Variants in HEMK2 observed in about 807,000 individuals in gnomAD.
HEMK2 encodes the protein methyltransferase HEMK2.
chr21:28,806,548 T>C, the HEMK2 span, among the ~76,000 whole-genome samples: 2 of 152,166 alleles, frequency 1.3e-5, no homozygotes, highest in African/African-American at 4.8e-5. Context: ...TGAATTCTAA[T>C]CCAATATGAC....
the HEMK2 span, among the ~76,000 whole-genome samples, chr21:28,611,399 G>A: frequency 1.3e-5 from 2 of 152,186 alleles, no homozygotes; most frequent in Admixed American, 6.5e-5. Context: ...TACTGCAACC[G>A]ATATTACAAC....
chr21:28,686,943 A>T, the HEMK2 span, among the ~76,000 whole-genome samples: 1 of 152,220 alleles, frequency 6.6e-6, no homozygotes, highest in Non-Finnish European at 1.5e-5. Context: ...GCCAAAGCCT[A>T]TTTCTAACAT....
the HEMK2 span, among the ~76,000 whole-genome samples, chr21:28,579,220 T>C: frequency 2.0e-5 from 3 of 152,322 alleles, no homozygotes; most frequent in South Asian, 2.1e-4. Context: ...TAAACATATG[T>C]CATTACATTA....
chr21:28,717,480 C>CTTTTTTTTT, the HEMK2 span, among the ~76,000 whole-genome samples: 5 of 117,322 alleles, frequency 4.3e-5, 1 homozygote, highest in African/African-American at 1.7e-4. Flanking sequence ...TCATTTTAGT[C>CTTTTTTTTT]TTTTTTTTTT....
the HEMK2 span, among the ~76,000 whole-genome samples, chr21:28,789,208 T>C: frequency 6.6e-6 from 1 of 152,342 alleles, no homozygotes; most frequent in Middle Eastern, 3.4e-3. Flanking sequence ...ACATTGGCAG[T>C]ATTTTTATCT....
the HEMK2 span, among the ~76,000 whole-genome samples, chr21:28,691,732 G>C: frequency 1.3e-5 from 2 of 152,068 alleles, no homozygotes; most frequent in African/African-American, 2.4e-5. Context: ...AGCAGATAAA[G>C]TGTCAACAAA....
the HEMK2 span, among the ~76,000 whole-genome samples, chr21:28,863,501 T>C: frequency 1.5e-5 from 2 of 133,990 alleles, no homozygotes; most frequent in African/African-American, 2.8e-5. Context: ...TAGAGAACGC[T>C]AATAAACCAA....
the HEMK2 span, among the ~76,000 whole-genome samples, chr21:28,637,867 T>G: frequency 6.6e-6 from 1 of 152,234 alleles, no homozygotes. Flanking sequence ...GCTTCTAATT[T>G]GATTTGAATC....
At chr21:28,758,150 T>C in the HEMK2 span, among the ~76,000 whole-genome samples, 1 of 152,124 alleles carries the variant, frequency 6.6e-6, no homozygotes, top group Admixed American at 6.5e-5. Flanking sequence ...TACAGCTAGA[T>C]TGTGATCCTA....
At chr21:28,866,289 C>A in the HEMK2 span, among the ~76,000 whole-genome samples, 3 of 149,268 alleles carry the variant, frequency 2.0e-5, no homozygotes, top group Non-Finnish European at 4.5e-5. Flanking sequence ...TGCAGACAGC[C>A]GAGATCACAA....
chr21:28,793,921 C>T, the HEMK2 span, among the ~76,000 whole-genome samples: 2 of 152,200 alleles, frequency 1.3e-5, no homozygotes, highest in Non-Finnish European at 2.9e-5. Flanking sequence ...GAAATCTCCA[C>T]TCGAGCCTTC....
chr21:28,733,710 C>T, the HEMK2 span, among the ~76,000 whole-genome samples: 1 of 152,028 alleles, frequency 6.6e-6, no homozygotes, highest in Non-Finnish European at 1.5e-5. Context: ...CTGATTGCCA[C>T]CCTTTGCAAG....
chr21:28,634,380 A>G, the HEMK2 span, among the ~76,000 whole-genome samples: 4 of 152,198 alleles, frequency 2.6e-5, no homozygotes, highest in African/African-American at 7.2e-5. Context: ...AGTAGCTAAC[A>G]GTACATTTCC....
chr21:28,799,818 C>A, the HEMK2 span, among the ~76,000 whole-genome samples: 1 of 152,158 alleles, frequency 6.6e-6, no homozygotes, highest in Non-Finnish European at 1.5e-5. Context: ...TTTATTTATG[C>A]AAAACTATCC....
chr21:28,698,356 T>C, the HEMK2 span, among the ~76,000 whole-genome samples: 1 of 152,176 alleles, frequency 6.6e-6, no homozygotes, highest in Admixed American at 6.5e-5. Context: ...GCCTGCTTCA[T>C]AGCTTTAAAT....
the HEMK2 span, among the ~76,000 whole-genome samples, chr21:28,646,475 A>C: frequency 7.9e-5 from 12 of 152,192 alleles, no homozygotes; most frequent in Non-Finnish European, 4.4e-5. Context: ...GGTTTGACCC[A>C]AATAACTCTC....
chr21:28,746,300 C>A, the HEMK2 span, among the ~76,000 whole-genome samples: 1 of 152,100 alleles, frequency 6.6e-6, no homozygotes. Flanking sequence ...GTCTCAATAA[C>A]AACATGAGGT....
At chr21:28,604,022 G>A in the HEMK2 span, among the ~76,000 whole-genome samples, 1 of 152,184 alleles carries the variant, frequency 6.6e-6, no homozygotes, top group Non-Finnish European at 1.5e-5. Context: ...GGTGAACACA[G>A]TCCTTAGAAT....
At chr21:28,689,688 G>C in the HEMK2 span, among the ~76,000 whole-genome samples, 8 of 152,178 alleles carry the variant, frequency 5.3e-5, no homozygotes, top group Admixed American at 5.2e-4. Context: ...AGACATTGAA[G>C]ATGGAACTAA....
Sources: gnomAD v4.1 joint callset for allele counts (sites outside exome capture counted in the v4.1 genomes callset) on GRCh38, gnomAD v4.1.1 for gene constraint, MANE v1.5 for transcripts, NCBI Gene and HGNC (gene_info 2026-07-23, HGNC 2026-07-21) for gene names.